Variants in ANKRD44 observed in about 807,000 individuals in gnomAD.
ANKRD44 encodes the protein serine/threonine-protein phosphatase 6 regulatory ankyrin repeat subunit B.
ANKRD44 carries 35 observed loss-of-function variants against 116.0 expected under a neutral mutation model. The observed-to-expected ratio is 0.30, with a 90% CI of 0.23 to 0.40. ANKRD44 has a LOEUF of 0.40. Among genes scored for constraint, ANKRD44 ranks in the 10% least tolerant of loss-of-function variants. The pLI, the probability that ANKRD44 is intolerant of heterozygous loss-of-function variation, is 1.00. For synonymous variants in ANKRD44, 435 were observed against 461.8 expected (o/e 0.94, Z 0.74); for missense variants, 1,014 against 1,242.6 (o/e 0.82, Z 2.77).
chr2:197,086,596 A>G, intron 13 of ANKRD44, 84 bp downstream of exon 13: 1 of 1,353,614 alleles, frequency 7.4e-7, no homozygotes, highest in Non-Finnish European at 1.0e-6. Flanking sequence ...CCGGTTTACC[A>G]TTTCAACCTA....
At chr2:197,179,473 GAAGA>G (rs910939689) in intron 2 of ANKRD44, among the ~76,000 whole-genome samples, 1 of 152,160 alleles carries the variant, frequency 6.6e-6, no homozygotes, top group African/African-American at 2.4e-5. Flanking sequence ...TATCTAATAT[GAAGA>G]AAGGGCCATA....
Position 196,987,236 on chromosome 2 carries a change from T to G in ANKRD44, c.*2355A>C. ...GCACTGCAAAATCAAACAATTCCTA[T>G]AGAAAACTTAAGCATTTTCATATTC... is the stretch of plus-strand genomic sequence containing the variant. On this transcript the variant is annotated 3_prime_UTR_variant, in exon 28 of 28. Transcript: ENST00000282272. 1.0e-6 allele frequency: 1 copy of G among 985,264 alleles called. No homozygotes were observed. The highest frequency in any genetic ancestry group is 1.2e-6 in the Non-Finnish European group (1 of 829,816). 61.0% of individuals were successfully genotyped at this position (985,264 alleles called of 1,614,324 possible).
At position 196,987,135 on chromosome 2, in the gene ANKRD44, T is replaced by C. The variant is rs1303845144; in HGVS notation, c.*2456A>G. Reference sequence around the variant, plus strand: ...ATTACATTTTATACAAACACTCAGATTGTCACTATCTTAAAATGCTTTTCC... The same window carrying C: ...ATTACATTTTATACAAACACTCAGACTGTCACTATCTTAAAATGCTTTTCC... On this transcript the variant is annotated 3_prime_UTR_variant, in exon 28 of 28. Coordinates refer to ENST00000282272, the MANE Select transcript of ANKRD44 (RefSeq NM_001195144.2). The C allele has an allele frequency of 3.0e-6, 3 of 984,710 alleles. No individual in the cohort carries two copies. Among genetic ancestry groups the C allele is most frequent in the Middle Eastern group, 5.2e-4 (1 of 1,934 alleles). 61.0% of individuals were successfully genotyped at this position (984,710 alleles called of 1,614,324 possible). A position where few individuals can be genotyped will look rare whatever the true frequency, so the allele number is the denominator to read the frequency against.
rs59073157 is a variant in ANKRD44 at position 197,103,227 on chromosome 2, CAA to C, written c.986-3299_986-3298del. Among the ~76,000 whole-genome samples, 287 of 102,988 alleles carry C rather than the reference CAA, an allele frequency of 2.8e-3. 1 individual carries two copies. The highest frequency in any genetic ancestry group is 0.011 in the East Asian group (40 of 3,538). The allele number at this position is 102,988 out of a possible 152,430, so 67.6% of individuals were successfully genotyped here. On this transcript the variant is annotated intron_variant, in intron 9 of 27. Transcript: ENST00000282272. ...TGGGCGACAGAGTGAGACTCCATCT[CAA>C]AAAAAAAAAAAAAAAAAATTGGGGG...
At chr2:197,015,409 G>T in intron 17 of ANKRD44, 1 of 573,824 alleles carries the variant, frequency 1.7e-6, no homozygotes, top group South Asian at 1.7e-5. Context: ...AACTTTTGAT[G>T]ATCATGCTAC....
At chr2:197,092,113 T>A (rs2078056040) in intron 10 of ANKRD44, among the ~76,000 whole-genome samples, 1 of 152,228 alleles carries the variant, frequency 6.6e-6, no homozygotes, top group Admixed American at 6.5e-5. Context: ...TGGCTCATAA[T>A]AAACAGCATC....
At chr2:196,971,590 T>C (rs1434586104) in intron 21 of ANKRD44, among the ~76,000 whole-genome samples, 1 of 152,216 alleles carries the variant, frequency 6.6e-6, no homozygotes, top group African/African-American at 2.4e-5. Context: ...AAGATTTTCT[T>C]GAGTTTTTTC....
At chr2:197,272,436 C>T (rs535069664) in intron 1 of ANKRD44, among the ~76,000 whole-genome samples, 1 of 152,122 alleles carries the variant, frequency 6.6e-6, no homozygotes, top group Non-Finnish European at 1.5e-5. Context: ...TAGGGTTTCA[C>T]CATGTTGGTC....
intron 10 of ANKRD44, among the ~76,000 whole-genome samples, chr2:197,097,577 C>G (rs190589979): frequency 3.0e-4 from 46 of 152,276 alleles, no homozygotes; most frequent in Non-Finnish European, 5.9e-5. Flanking sequence ...AAAGACATCC[C>G]ACTGCTAATA....
chr2:197,004,536 TTAGA>T (rs1205994660), intron 21 of ANKRD44, among the ~76,000 whole-genome samples: 1 of 152,128 alleles, frequency 6.6e-6, no homozygotes, highest in African/African-American at 2.4e-5. Flanking sequence ...CAGGGTACTA[TTAGA>T]TAGGGAAATG....
intron 1 of ANKRD44, among the ~76,000 whole-genome samples, chr2:197,278,450 G>C (rs1178780371): frequency 2.0e-5 from 3 of 150,676 alleles, no homozygotes; most frequent in Admixed American, 2.0e-4. Context: ...TCCACCTCCC[G>C]GGTTCAAGCA....
intron 1 of ANKRD44, among the ~76,000 whole-genome samples, chr2:197,204,219 A>G (rs949234700): frequency 2.0e-5 from 3 of 152,196 alleles, no homozygotes; most frequent in Non-Finnish European, 2.9e-5. Context: ...GAAACTATAT[A>G]CAGTTTGATC....
chr2:197,025,832 G>T (rs1411421604), intron 16 of ANKRD44, among the ~76,000 whole-genome samples: 5 of 152,136 alleles, frequency 3.3e-5, no homozygotes, highest in African/African-American at 1.2e-4. Context: ...TGTGGCAGGA[G>T]AGTATTCAGG....
intron 1 of ANKRD44, among the ~76,000 whole-genome samples, chr2:197,279,895 G>C (rs530399132): frequency 1.3e-5 from 2 of 152,174 alleles, no homozygotes; most frequent in African/African-American, 4.8e-5. Flanking sequence ...ACAGTGTCTT[G>C]TCCTGGCTTC....
At chr2:196,984,142 AGAAAT>A (rs767269944), downstream of ANKRD44, among the ~76,000 whole-genome samples, 87 of 152,392 alleles carry the variant, frequency 5.7e-4, 2 homozygotes, top group Admixed American at 7.8e-4. Flanking sequence ...ACATTGATGA[AGAAAT>A]GATTCAGAAA....
chr2:197,018,530 C>T (rs995438513), intron 17 of ANKRD44, among the ~76,000 whole-genome samples: 2 of 152,134 alleles, frequency 1.3e-5, no homozygotes, highest in African/African-American at 4.8e-5. Flanking sequence ...TAGGCTCTGC[C>T]CTCCACCTCA....
intron 1 of ANKRD44, among the ~76,000 whole-genome samples, chr2:197,271,688 T>G (rs2082903003): frequency 6.6e-6 from 1 of 152,150 alleles, no homozygotes; most frequent in South Asian, 2.1e-4. Flanking sequence ...CAGGCTGGAG[T>G]GCAGCCTCAA....
chr2:197,022,353 A>G (rs2076513242), intron 17 of ANKRD44, among the ~76,000 whole-genome samples: 2 of 152,292 alleles, frequency 1.3e-5, no homozygotes, highest in South Asian at 4.1e-4. Flanking sequence ...TTCCCTTGCA[A>G]TTTTGACTCA....
chr2:197,150,108 T>C lies in ANKRD44; in HGVS notation c.112-3003A>G, dbSNP rs867671508. Among the ~76,000 whole-genome samples, 8 of 152,302 alleles carry C rather than the reference T, an allele frequency of 5.3e-5. No homozygotes were observed. The South Asian group carries it at 6.2e-4, about 12-fold the overall frequency. Reference sequence around the variant, plus strand: ...TTCCTATCAGAGGAGTCACACCTTTTACAACTGTGTTCTTCAGTCTTATTA... The same window carrying C: ...TTCCTATCAGAGGAGTCACACCTTTCACAACTGTGTTCTTCAGTCTTATTA... On this transcript the variant is annotated intron_variant, in intron 2 of 27. Coordinates refer to ENST00000282272, the MANE Select transcript of ANKRD44 (RefSeq NM_001195144.2).
Sources: allele counts gnomAD v4.1 joint callset (sites outside exome capture counted in the v4.1 genomes callset), GRCh38; gene constraint gnomAD v4.1.1; transcripts MANE v1.5; gene names NCBI Gene and HGNC (gene_info 2026-07-23, HGNC 2026-07-21).